TTR: variants seen among roughly 807,000 people sequenced by gnomAD.
TTR encodes transthyretin.
In TTR, 8 loss-of-function variants were observed where a neutral mutation model predicts 13.7. The observed-to-expected ratio is 0.58, with a 90% confidence interval of 0.34 to 1.05. TTR has a LOEUF of 1.05. Ranked by LOEUF, TTR falls within the 50% of genes least tolerant of loss-of-function variation. The probability of loss-of-function intolerance (pLI) is 0.02; values close to 1 mark genes in which losing one functional copy is unlikely to be tolerated. For missense variants in TTR, 135 were observed against 185.5 expected (o/e 0.73, Z 1.58); for synonymous variants, 75 against 71.7 (o/e 1.05, Z -0.23).
intron 3 of TTR, 143 bp downstream of exon 3, chr18:31,595,398 A>G: frequency 8.3e-7 from 1 of 1,202,958 alleles, no homozygotes; most frequent in Non-Finnish European, 1.2e-6. Flanking sequence ...CCTATTATAC[A>G]AGAAAAAATT....
At chr18:31,597,089 G>A (rs1432447434) in intron 3 of TTR, 1 of 151,888 alleles carries the variant, frequency 6.6e-6, no homozygotes, top group Non-Finnish European at 1.5e-5. Context: ...CTGTCACCCA[G>A]GCTGGAATGC....
intron 2 of TTR, 182 bp downstream of exon 2, chr18:31,593,208 C>T: frequency 1.3e-6 from 1 of 743,436 alleles, no homozygotes; most frequent in Non-Finnish European, 2.1e-6. Flanking sequence ...TAGGAAGTGA[C>T]CAGGAACCTG....
chr18:31,591,932 C>T lies in TTR; in HGVS notation c.30C>T (p.Cys10=). 2.5e-6 allele frequency: 4 copies of T among 1,614,154 alleles called. No homozygotes were observed. In the African/African-American group the frequency reaches 4.0e-5, roughly 16 times the overall value. The change falls in exon 1 of 4, where the codon TGC becomes TGT. Residue 10 remains cysteine, a synonymous_variant. Transcript: ENST00000237014. Reference sequence around the variant, plus strand: ...CTTCTCATCGTCTGCTCCTCCTCTGCCTTGCTGGACTGGTATTTGTGTCTG... The same window carrying T: ...CTTCTCATCGTCTGCTCCTCCTCTGTCTTGCTGGACTGGTATTTGTGTCTG... The part of the protein sequence containing the change: MASHRLLLL[C]LAGLVFVSEA...
At chr18:31,595,802 T>A (rs1199018610) in intron 3 of TTR, 1 of 283,106 alleles carries the variant, frequency 3.5e-6, no homozygotes, top group African/African-American at 2.2e-5. Context: ...ATATTTAACC[T>A]ACTTAATCCT....
At chr18:31,593,177 C>T (rs1236277143) in intron 2 of TTR, 151 bp downstream of exon 2, 1 of 1,154,646 alleles carries the variant, frequency 8.7e-7, no homozygotes, top group African/African-American at 1.5e-5. Context: ...TGAAGGATGC[C>T]CTCTTTTTGT....
chr18:31,592,598 A>T (rs1222752305), intron 1 of TTR, among the ~76,000 whole-genome samples: 1 of 152,204 alleles, frequency 6.6e-6, no homozygotes, highest in Non-Finnish European at 1.5e-5. Flanking sequence ...ATTCCACTCA[A>T]ATGGAGACTT....
chr18:31,596,599 CAT>C (rs773498143), intron 3 of TTR, among the ~76,000 whole-genome samples: 1 of 152,002 alleles, frequency 6.6e-6, no homozygotes, highest in Non-Finnish European at 1.5e-5. Context: ...ATACTGCCCA[CAT>C]GTTGTTCTCT....
rs574157865 is a variant in TTR at position 31,596,112 on chromosome 18, TC to T, written c.336+862del. On this transcript the variant is annotated intron_variant, in intron 3 of 3. Transcript: ENST00000237014. ...TTCAAACAGTTATACATGGACCCAG[TC>T]CCCCTGCCTTCTCCTTAATTTCTTA... 6.6e-3 allele frequency: 1,016 copies of T among 154,528 alleles called. 10 individuals are homozygous for T. The highest frequency in any genetic ancestry group is 0.023 in the African/African-American group (955 of 41,616). 9.6% of individuals were successfully genotyped at this position (154,528 alleles called of 1,614,324 possible).
chr18:31,597,818 G>A (rs1384083818), intron 3 of TTR, among the ~76,000 whole-genome samples: 2 of 152,106 alleles, frequency 1.3e-5, no homozygotes, highest in East Asian at 3.9e-4. Context: ...GTGACTATCT[G>A]GAACAGCATT....
chr18:31,594,045 A>G (rs2073502318), intron 2 of TTR, among the ~76,000 whole-genome samples: 1 of 152,256 alleles, frequency 6.6e-6, no homozygotes, highest in African/African-American at 2.4e-5. Flanking sequence ...AATGCCAAGC[A>G]TAACATGAAA....
At chr18:31,592,758 A>T in intron 1 of TTR, 138 bp from the exon 2 acceptor site, 1 of 1,142,230 alleles carries the variant, frequency 8.8e-7, no homozygotes, top group Non-Finnish European at 1.3e-6. Flanking sequence ...GAAGCTCATT[A>T]ATTGTCGACA....
At chr18:31,593,164 C>T in intron 2 of TTR, 138 bp downstream of exon 2, 1 of 1,285,380 alleles carries the variant, frequency 7.8e-7, no homozygotes, top group African/African-American at 1.5e-5. Flanking sequence ...CAAGTATGCC[C>T]TCTGAAGGAT....
intron 2 of TTR, among the ~76,000 whole-genome samples, chr18:31,593,938 A>G (rs1308283664): frequency 6.6e-6 from 1 of 152,256 alleles, no homozygotes; most frequent in Non-Finnish European, 1.5e-5. Context: ...TTGAACCCCA[A>G]GAACCACATG....
chr18:31,593,172 G>A (rs1353516509), intron 2 of TTR, 146 bp downstream of exon 2: 1 of 1,202,496 alleles, frequency 8.3e-7, no homozygotes, highest in Admixed American at 2.0e-5. Flanking sequence ...CCCTCTGAAG[G>A]ATGCCCTCTT....
intron 3 of TTR, chr18:31,595,492 C>T (rs933572022): frequency 1.5e-6 from 1 of 645,734 alleles, no homozygotes; most frequent in South Asian, 1.5e-5. Context: ...TGAAACTACT[C>T]ATAGTCTATT....
chr18:31,597,274 C>T (rs1276369526), intron 3 of TTR: 2 of 152,146 alleles, frequency 1.3e-5, no homozygotes, highest in East Asian at 3.9e-4. Flanking sequence ...GAACTCCAGA[C>T]CTCAGGTGAT....
intron 1 of TTR, 21 bp downstream of exon 1, chr18:31,591,992 C>T: frequency 2.5e-6 from 4 of 1,613,180 alleles, no homozygotes; most frequent in Non-Finnish European, 3.4e-6. Context: ...CTGTGACATC[C>T]CATTCCTACA....
rs760153126 is a variant in TTR, at chr18:31,598,636, C to G, written c.405C>G (p.Ser135=). ...TTGCCGCCCTGCTGAGCCCCTACTC[C>G]TATTCCACCACGGCTGTCGTCACCA... ...YTIAALLSPY[S]YSTTAVVTNP... The change falls in exon 4 of 4, where the codon TCC becomes TCG. Residue 135 remains serine, a synonymous_variant. Transcript: ENST00000237014. 7.0e-5 allele frequency: 113 copies of G among 1,614,118 alleles called. No individual in the cohort carries two copies. Among genetic ancestry groups the G allele is most frequent in the Non-Finnish European group, 9.0e-5 (106 of 1,180,058 alleles).
chr18:31,592,892 C>T lies in TTR; in HGVS notation c.70-4C>T, dbSNP rs780910338. On this transcript the variant is annotated splice_region_variant and splice_polypyrimidine_tract_variant and intron_variant, in intron 1 of 3. Transcript: ENST00000237014. ...AACTTCTCACGTGTCTTCTCTACAC[C>T]CAGGGCACCGGTGAATCCAAGTGTC... 4 of 1,613,800 alleles carry T rather than the reference C, an allele frequency of 2.5e-6. No individual in the cohort carries two copies. Among genetic ancestry groups the T allele is most frequent in the African/African-American group, 2.7e-5 (2 of 75,010 alleles).
Sources: gnomAD v4.1 joint callset for allele counts (sites outside exome capture counted in the v4.1 genomes callset) on GRCh38, gnomAD v4.1.1 for gene constraint, MANE v1.5 for transcripts, NCBI Gene and HGNC (gene_info 2026-07-23, HGNC 2026-07-21) for gene names.